Variants in PJA2 observed in about 807,000 individuals in gnomAD.
PJA2 encodes the protein praja ring finger ubiquitin ligase 2, also known as E3 ubiquitin-protein ligase Praja-2.
A neutral mutation model predicts 69.3 loss-of-function variants in PJA2; 25 were observed. The ratio of observed to expected loss-of-function variants is 0.36; its 90% confidence interval spans 0.26 to 0.50. The LOEUF (loss-of-function observed/expected upper bound fraction) is 0.50, where lower values mean the gene tolerates loss of function less well. Ranked by LOEUF, PJA2 falls within the 20% of genes least tolerant of loss-of-function variation. The pLI, the probability that PJA2 is intolerant of heterozygous loss-of-function variation, is 0.96. For synonymous variants in PJA2, 308 were observed against 277.8 expected (o/e 1.11, Z -1.08); for missense variants, 809 against 830.2 (o/e 0.97, Z 0.31).
chr5:109,371,786 A>G (rs1762678919), intron 4 of PJA2, among the ~76,000 whole-genome samples: 1 of 152,232 alleles, frequency 6.6e-6, no homozygotes, highest in African/African-American at 2.4e-5. Flanking sequence ...GCAGTTGCAC[A>G]TTAACCCTCT....
In PJA2 at chr5:109,337,028, C is replaced by G; in HGVS notation, c.*203G>C. ...TATTCAACTAAAGAAAATGGATGCA[C>G]TGTCTCAACATTCAGCTTAAAAATG... On this transcript the variant is annotated 3_prime_UTR_variant, in exon 10 of 10. Transcript: ENST00000361189. 1 of 323,270 alleles carries G rather than the reference C, an allele frequency of 3.1e-6. No individual in the cohort carries two copies. The allele number at this position is 323,270 out of a possible 1,614,324, so 20.0% of individuals were successfully genotyped here.
At position 109,407,749 on chromosome 5, in the gene PJA2, A is replaced by G. The variant is rs1463250960; in HGVS notation, c.-88+2093T>C. On this transcript the variant is annotated intron_variant, in intron 1 of 9. Coordinates refer to ENST00000361189, the MANE Select transcript of PJA2 (RefSeq NM_014819.5). ...ATGTTACTGAAAGTTTCCATCCACC[A>G]CACGAATCAAACCATAAAATAGGAA... 2.0e-5 allele frequency among the ~76,000 whole-genome samples: 3 copies of G among 152,252 alleles called. No homozygotes were observed. The East Asian group carries it at 5.8e-4, about 29-fold the overall frequency.
At chr5:109,391,386 G>A (rs1461032369) in intron 1 of PJA2, among the ~76,000 whole-genome samples, 2 of 152,088 alleles carry the variant, frequency 1.3e-5, no homozygotes, top group Non-Finnish European at 2.9e-5. Context: ...TGTTTGTTAT[G>A]AGTCTGCTGG....
rs1046839969 is a variant in PJA2 at position 109,336,510 on chromosome 5, A to G, written c.*721T>C. ...AGAGTTTCATAAGGCCATCTAATTC[A>G]GCTCATTGTACCAAGCCCTGAGCAC... On this transcript the variant is annotated 3_prime_UTR_variant, in exon 10 of 10. Coordinates refer to ENST00000361189, the MANE Select transcript of PJA2 (RefSeq NM_014819.5). 2.0e-5 allele frequency: 3 copies of G among 152,112 alleles called. No individual in the cohort carries two copies. Among genetic ancestry groups the G allele is most frequent in the Non-Finnish European group, 4.4e-5 (3 of 68,024 alleles). The allele number at this position is 152,112 out of a possible 1,614,324, so 9.4% of individuals were successfully genotyped here. A position where few individuals can be genotyped will look rare whatever the true frequency, so the allele number is the denominator to read the frequency against.
In PJA2 at chr5:109,378,353, T is replaced by C. The variant is rs750575487; in HGVS notation, c.1134A>G (p.Pro378=). The change falls in exon 4 of 10, where the codon CCA becomes CCG. Residue 378 remains proline, a synonymous_variant. Coordinates refer to ENST00000361189, the MANE Select transcript of PJA2 (RefSeq NM_014819.5). ...DGEHDCMFLD[P]PYSRVITQRE... is the part of the protein sequence containing the mutation. ...TTTGTGTAATAACTCTTGAGTATGGTGGATCCAAGAACATACAGTCATGCT... is the reference window on the plus strand; with the variant it reads ...TTTGTGTAATAACTCTTGAGTATGGCGGATCCAAGAACATACAGTCATGCT... The C allele has an allele frequency of 5.6e-6, 9 of 1,614,156 alleles. No homozygotes were observed. Among genetic ancestry groups the C allele is most frequent in the Non-Finnish European group, 7.6e-6 (9 of 1,180,018 alleles).
At chr5:109,366,341 A>C (rs1193637905) in intron 5 of PJA2, among the ~76,000 whole-genome samples, 1 of 152,232 alleles carries the variant, frequency 6.6e-6, no homozygotes, top group African/African-American at 2.4e-5. Context: ...AAAATGTGTG[A>C]GCAAAACCAT....
At chr5:109,407,764 T>A (rs1285146404) in intron 1 of PJA2, among the ~76,000 whole-genome samples, 1 of 150,714 alleles carries the variant, frequency 6.6e-6, no homozygotes, top group Non-Finnish European at 1.5e-5. Context: ...AATCAAACCA[T>A]AAAATAGGAA....
At chr5:109,396,238 A>G (rs935074872) in intron 1 of PJA2, among the ~76,000 whole-genome samples, 11 of 152,124 alleles carry the variant, frequency 7.2e-5, no homozygotes, top group African/African-American at 2.7e-4. Context: ...AAAGCATTCA[A>G]TGAAATTCAA....
intron 7 of PJA2, among the ~76,000 whole-genome samples, chr5:109,353,595 C>A (rs865829641): frequency 7.1e-5 from 10 of 140,324 alleles, no homozygotes; most frequent in Middle Eastern, 0.011. Context: ...TATTAGATAT[C>A]TATAATATCA....
intron 5 of PJA2, among the ~76,000 whole-genome samples, chr5:109,366,159 T>C (rs1169194786): frequency 3.3e-5 from 5 of 151,826 alleles, no homozygotes; most frequent in African/African-American, 2.4e-5. Flanking sequence ...ATGCAAAATA[T>C]ATTAATTGGA....
At chr5:109,371,005 T>C (rs535425455) in intron 4 of PJA2, among the ~76,000 whole-genome samples, 20 of 152,314 alleles carry the variant, frequency 1.3e-4, no homozygotes, top group African/African-American at 4.6e-4. Context: ...ATGTTATGGA[T>C]TGGCAAACTA....
At chr5:109,364,622 C>CAAAAAAAAAA (rs200663624) in intron 5 of PJA2, among the ~76,000 whole-genome samples, 25 of 61,876 alleles carry the variant, frequency 4.0e-4, no homozygotes, top group African/African-American at 1.1e-3. Context: ...GACTCTGTCT[C>CAAAAAAAAAA]AAAAAAAAAA....
intron 9 of PJA2, among the ~76,000 whole-genome samples, chr5:109,338,451 G>A (rs1236922318): frequency 2.0e-5 from 3 of 151,936 alleles, no homozygotes; most frequent in Non-Finnish European, 4.4e-5. Flanking sequence ...ACCAGCCTGG[G>A]CAACATGGTG....
At chr5:109,383,741 T>C (rs2127009064) in intron 1 of PJA2, among the ~76,000 whole-genome samples, 1 of 152,254 alleles carries the variant, frequency 6.6e-6, no homozygotes. Context: ...GAGAACAACC[T>C]GGCCAACATG....
Position 109,379,271 on chromosome 5 carries a change from A to C in PJA2, c.233-17T>G. 1 of 1,535,124 alleles carries C rather than the reference A, an allele frequency of 6.5e-7. No individual in the cohort carries two copies. Among genetic ancestry groups the C allele is most frequent in the South Asian group, 1.2e-5 (1 of 81,942 alleles). On this transcript the variant is annotated splice_polypyrimidine_tract_variant and intron_variant, in intron 3 of 9. Coordinates refer to ENST00000361189, the MANE Select transcript of PJA2 (RefSeq NM_014819.5). ...GACTGGAACCTTCATAAAAAACAAA[A>C]GAAAACATATTTTAAAGGATTAACT...
Position 109,409,522 on chromosome 5 carries a change from G to A in PJA2, c.-88+320C>T, listed in dbSNP as rs1039720830. ...CTTGGCCAAGTCACCAAGGACAGCA[G>A]AAGAGGCAGCAGTAAAGAGCGGCAG... On this transcript the variant is annotated intron_variant, in intron 1 of 9. Transcript: ENST00000361189. 4.6e-5 allele frequency among the ~76,000 whole-genome samples: 7 copies of A among 152,132 alleles called. No individual in the cohort carries two copies. The East Asian group carries it at 1.2e-3, about 25-fold the overall frequency.
intron 6 of PJA2, among the ~76,000 whole-genome samples, chr5:109,362,517 T>C (rs576149801): frequency 6.6e-6 from 1 of 152,286 alleles, no homozygotes; most frequent in African/African-American, 2.4e-5. Flanking sequence ...GAAGCTATTT[T>C]TGAAAGAATT....
chr5:109,353,963 T>C (rs1762338012), intron 7 of PJA2, among the ~76,000 whole-genome samples: 1 of 135,946 alleles, frequency 7.4e-6, no homozygotes, highest in Non-Finnish European at 1.6e-5. Context: ...ATGTCTATGA[T>C]ATCTAGAGAT....
intron 9 of PJA2, 69 bp downstream of exon 9, chr5:109,344,118 AAAG>A: frequency 4.1e-6 from 4 of 965,442 alleles, no homozygotes; most frequent in Non-Finnish European, 5.6e-6. Flanking sequence ...AAAAAAAAAA[AAAG>A]ATACTATTAT....
Sources: gnomAD v4.1 joint callset for allele counts (sites outside exome capture counted in the v4.1 genomes callset) on GRCh38, gnomAD v4.1.1 for gene constraint, MANE v1.5 for transcripts, NCBI Gene and HGNC (gene_info 2026-07-23, HGNC 2026-07-21) for gene names.